Variants in TSHZ2 observed in about 807,000 individuals in gnomAD.
TSHZ2 encodes teashirt zinc finger homeobox 2, also known as teashirt homolog 2.
TSHZ2 carries 21 observed loss-of-function variants against 74.4 expected under a neutral mutation model. The ratio of observed to expected loss-of-function variants is 0.28; its 90% CI spans 0.20 to 0.41. TSHZ2 has a LOEUF of 0.41. Ranked by LOEUF, TSHZ2 falls within the 10% of genes least tolerant of loss-of-function variation. The pLI is 1.00. For synonymous variants in TSHZ2, 540 were observed against 515.3 expected (o/e 1.05, Z -0.65); for missense variants, 1,244 against 1,293.5 (o/e 0.96, Z 0.59).
intron 1 of TSHZ2, among the ~76,000 whole-genome samples, chr20:52,983,989 G>A (rs1981662622): frequency 6.6e-6 from 1 of 152,234 alleles, no homozygotes; most frequent in South Asian, 2.1e-4. Flanking sequence ...TAGGCTACGG[G>A]CTGTTTCCTG....
At chr20:53,486,378 CATTAT>C (rs1353765677) in intron 2 of TSHZ2, among the ~76,000 whole-genome samples, 1 of 152,056 alleles carries the variant, frequency 6.6e-6, no homozygotes, top group Non-Finnish European at 1.5e-5. Context: ...CCTTTCCATA[CATTAT>C]ATTAAAAATA....
chr20:53,301,118 C>T (rs1251558376), intron 2 of TSHZ2, among the ~76,000 whole-genome samples: 1 of 151,894 alleles, frequency 6.6e-6, no homozygotes, highest in Non-Finnish European at 1.5e-5. Flanking sequence ...CCACTAGGCC[C>T]AGCTAATTTT....
At chr20:53,048,936 C>T (rs879817696) in intron 1 of TSHZ2, among the ~76,000 whole-genome samples, 3 of 152,202 alleles carry the variant, frequency 2.0e-5, no homozygotes, top group Non-Finnish European at 4.4e-5. Flanking sequence ...GAGATTCACC[C>T]AGCTGGCCAG....
chr20:53,264,756 T>A (rs980604951), intron 2 of TSHZ2, among the ~76,000 whole-genome samples: 1 of 152,240 alleles, frequency 6.6e-6, no homozygotes, highest in African/African-American at 2.4e-5. Context: ...ACAAAGCTTC[T>A]CCCTTTATTC....
intron 1 of TSHZ2, among the ~76,000 whole-genome samples, chr20:52,981,032 G>A (rs1981547622): frequency 6.6e-6 from 1 of 152,232 alleles, no homozygotes. Flanking sequence ...ATTTGGTACA[G>A]AAGAAATGCC....
intron 1 of TSHZ2, among the ~76,000 whole-genome samples, chr20:53,044,922 G>A (rs1196985605): frequency 6.6e-6 from 1 of 151,988 alleles, no homozygotes; most frequent in Non-Finnish European, 1.5e-5. Context: ...TTTTTGCCCA[G>A]GCTGATCTTG....
At chr20:53,330,484 T>C (rs1209768037) in intron 2 of TSHZ2, among the ~76,000 whole-genome samples, 1 of 152,214 alleles carries the variant, frequency 6.6e-6, no homozygotes, top group African/African-American at 2.4e-5. Flanking sequence ...ATACGGTTAG[T>C]GCAGCCTGAG....
At chr20:53,364,146 G>C (rs764499252) in intron 2 of TSHZ2, among the ~76,000 whole-genome samples, 2 of 152,222 alleles carry the variant, frequency 1.3e-5, no homozygotes, top group Non-Finnish European at 1.5e-5. Context: ...CATTAAGGTC[G>C]AGGGTTCGAC....
At chr20:53,340,184 C>CTTTTTTTTTTTTTTTTTTTTTTTT (rs557613827) in intron 2 of TSHZ2, among the ~76,000 whole-genome samples, 2 of 109,870 alleles carry the variant, frequency 1.8e-5, no homozygotes, top group Non-Finnish European at 3.5e-5. Flanking sequence ...TTTCTTTTTT[C>CTTTTTTTTTTTTTTTTTTTTTTTT]TTTTTTTTTT....
At chr20:53,210,033 AG>A (rs1371628180) in intron 1 of TSHZ2, among the ~76,000 whole-genome samples, 1 of 152,256 alleles carries the variant, frequency 6.6e-6, no homozygotes. Context: ...TAAGTCGGAA[AG>A]AAGCAAATTA....
chr20:53,477,855 A>G (rs1986030971), intron 2 of TSHZ2, among the ~76,000 whole-genome samples: 2 of 150,960 alleles, frequency 1.3e-5, no homozygotes, highest in African/African-American at 2.5e-5. Flanking sequence ...GGCGAAGGAC[A>G]TGAACAGACA....
At chr20:53,460,158 A>C (rs1242628452) in intron 2 of TSHZ2, among the ~76,000 whole-genome samples, 1 of 151,810 alleles carries the variant, frequency 6.6e-6, no homozygotes, top group African/African-American at 2.4e-5. Context: ...GTGTTTTCCA[A>C]CTTGGTTCCA....
rs1023731473 is a variant in TSHZ2, at chr20:53,305,702, G to A, written c.*8+49131G>A. The stretch of plus-strand genomic sequence containing the variant: ...AATATAAAAATGTGTTTGGCTGGCC[G>A]GGTGCGGTGGCTCACTCCGGTAATC... On this transcript the variant is annotated intron_variant, in intron 2 of 2. Transcript: ENST00000371497. 1.3e-4 allele frequency among the ~76,000 whole-genome samples: 20 copies of A among 152,082 alleles called. 1 individual carries two copies. The highest frequency in any genetic ancestry group is 4.1e-4 in the South Asian group (2 of 4,826).
At chr20:53,368,379 G>A (rs1195216874) in intron 2 of TSHZ2, among the ~76,000 whole-genome samples, 2 of 152,024 alleles carry the variant, frequency 1.3e-5, no homozygotes, top group Non-Finnish European at 2.9e-5. Context: ...GTGTGACTTC[G>A]GCTCATGGCA....
chr20:53,114,715 C>G (rs1008190012), intron 1 of TSHZ2, among the ~76,000 whole-genome samples: 1 of 152,162 alleles, frequency 6.6e-6, no homozygotes, highest in Non-Finnish European at 1.5e-5. Context: ...AGTTTACACA[C>G]AACCCTAATT....
intron 1 of TSHZ2, among the ~76,000 whole-genome samples, chr20:53,135,893 C>T (rs1225074437): frequency 2.0e-5 from 3 of 152,196 alleles, no homozygotes; most frequent in Non-Finnish European, 2.9e-5. Context: ...GCGTGAGCCA[C>T]CACACCCAGA....
At position 52,987,248 on chromosome 20, in the gene TSHZ2, T is replaced by C. The variant is rs529946432; in HGVS notation, c.40+13915T>C. Among the ~76,000 whole-genome samples the C allele has an allele frequency of 2.4e-4, 37 of 152,286 alleles. No homozygotes were observed. The South Asian group carries it at 7.0e-3, about 29-fold the overall frequency. Reference sequence around the variant, plus strand: ...GGAGTGGTTCTCAACCTTTATTTGGTATACTCATCACTTGGAGAAGTTGCT... The same window carrying C: ...GGAGTGGTTCTCAACCTTTATTTGGCATACTCATCACTTGGAGAAGTTGCT... On this transcript the variant is annotated intron_variant, in intron 1 of 2. Transcript: ENST00000371497.
At chr20:53,001,232 G>GTGTGTGTGTGTGTGTA (rs1568713557) in intron 1 of TSHZ2, among the ~76,000 whole-genome samples, 185 of 135,400 alleles carry the variant, frequency 1.4e-3, no homozygotes, top group African/African-American at 4.1e-3. Flanking sequence ...GTGTGTGTGT[G>GTGTGTGTGTGTGTGTA]TGTGTGTGTG....
At chr20:53,142,331 G>GA (rs1987422408) in intron 1 of TSHZ2, among the ~76,000 whole-genome samples, 1 of 152,216 alleles carries the variant, frequency 6.6e-6, no homozygotes, top group Non-Finnish European at 1.5e-5. Flanking sequence ...TTCCGGTTCA[G>GA]ACCGGAAGAA....
Sources: gnomAD v4.1 joint callset for allele counts (sites outside exome capture counted in the v4.1 genomes callset) on GRCh38, gnomAD v4.1.1 for gene constraint, MANE v1.5 for transcripts, NCBI Gene and HGNC (gene_info 2026-07-23, HGNC 2026-07-21) for gene names.